GPHN: variants seen among roughly 807,000 people sequenced by gnomAD.
GPHN encodes gephyrin.
A neutral mutation model predicts 95.5 loss-of-function variants in GPHN; 17 were observed. The observed-to-expected ratio is 0.18, with a 90% CI of 0.12 to 0.27. The LOEUF (loss-of-function observed/expected upper bound fraction) is 0.27. GPHN is among the 10% of genes least tolerant of loss of function. The pLI is 1.00. For synonymous variants in GPHN, 320 were observed against 322.5 expected (o/e 0.99, Z 0.08); for missense variants, 660 against 978.1 (o/e 0.67, Z 4.34).
intron 10 of GPHN, among the ~76,000 whole-genome samples, chr14:67,054,062 T>C (rs2075436698): frequency 6.6e-6 from 1 of 152,144 alleles, no homozygotes; most frequent in Non-Finnish European, 1.5e-5. Flanking sequence ...AAGACAAGGA[T>C]GCCTTCTCTC....
the GPHN span, among the ~76,000 whole-genome samples, chr14:67,236,615 T>C: frequency 6.6e-6 from 1 of 152,182 alleles, no homozygotes; most frequent in Non-Finnish European, 1.5e-5. Flanking sequence ...TAGTGGGACC[T>C]TCCATTCCAT....
At chr14:67,089,133 CT>C (rs1163483546) in intron 12 of GPHN, 58 bp downstream of exon 12, 14,202 of 196,132 alleles carry the variant, frequency 0.072, 3 homozygotes, top group South Asian at 0.084. Context: ...TTCTTTTTTT[CT>C]TTTTTTTTTT....
intron 9 of GPHN, among the ~76,000 whole-genome samples, chr14:66,977,743 A>T (rs901834100): frequency 1.3e-5 from 2 of 152,224 alleles, no homozygotes; most frequent in African/African-American, 2.4e-5. Flanking sequence ...ATAGCAAATT[A>T]TTTCACAATA....
intron 10 of GPHN, among the ~76,000 whole-genome samples, chr14:67,053,472 T>A (rs1416767145): frequency 6.6e-6 from 1 of 152,070 alleles, no homozygotes; most frequent in East Asian, 1.9e-4. Context: ...CAGTAATTAA[T>A]AGCCTACCAA....
At chr14:67,380,638 T>C in the GPHN span, 7 of 1,362,316 alleles carry the variant, frequency 5.1e-6, no homozygotes, top group African/African-American at 9.0e-5. Context: ...CCTTTTGTTA[T>C]TTATTTATGT....
the GPHN span, among the ~76,000 whole-genome samples, chr14:67,503,876 G>A: frequency 6.6e-6 from 1 of 151,606 alleles, no homozygotes. Flanking sequence ...GTTAATTTTT[G>A]TATTTTTAGT....
the GPHN span, chr14:67,312,689 C>A: frequency 6.2e-7 from 1 of 1,609,210 alleles, no homozygotes; most frequent in Non-Finnish European, 8.5e-7. Context: ...AGATAATCAA[C>A]CTCTAGCCGG....
intron 19 of GPHN, among the ~76,000 whole-genome samples, chr14:67,164,495 C>G (rs1004177997): frequency 4.0e-5 from 6 of 151,774 alleles, no homozygotes; most frequent in Admixed American, 3.9e-4. Context: ...ATCAGGTAAT[C>G]TGCTTTCTTT....
At chr14:67,446,114 A>T in the GPHN span, 2 of 495,522 alleles carry the variant, frequency 4.0e-6, no homozygotes, top group Non-Finnish European at 7.9e-6. Context: ...CTCTGGGAGG[A>T]TGTGAAAAAG....
At chr14:67,264,464 AT>A in the GPHN span, among the ~76,000 whole-genome samples, 23,448 of 151,416 alleles carry the variant, frequency 0.15, 3,407 homozygotes, top group East Asian at 0.42. Flanking sequence ...ATGTTGTGTT[AT>A]TTTTTCATGT....
chr14:67,243,344 C>T, the GPHN span, among the ~76,000 whole-genome samples: 1 of 151,898 alleles, frequency 6.6e-6, no homozygotes, highest in East Asian at 1.9e-4. Flanking sequence ...CTCGCCACCA[C>T]ACCTGGCTAA....
intron 19 of GPHN, among the ~76,000 whole-genome samples, chr14:67,163,106 G>A (rs2082062052): frequency 1.3e-5 from 2 of 152,114 alleles, no homozygotes; most frequent in Non-Finnish European, 2.9e-5. Flanking sequence ...AGGAGTTCAA[G>A]ACCAGCCTGG....
At chr14:67,298,705 A>C in the GPHN span, among the ~76,000 whole-genome samples, 5 of 152,158 alleles carry the variant, frequency 3.3e-5, no homozygotes, top group Non-Finnish European at 7.4e-5. Context: ...AGTGTGTTTT[A>C]TTGTATAGTT....
intron 4 of GPHN, among the ~76,000 whole-genome samples, chr14:66,839,334 CATT>C (rs2061985003): frequency 6.6e-6 from 1 of 152,164 alleles, no homozygotes; most frequent in Admixed American, 6.5e-5. Flanking sequence ...ATGAAGATAA[CATT>C]ATAGCCATGA....
At chr14:67,577,489 G>A in the GPHN span, 4 of 944,432 alleles carry the variant, frequency 4.2e-6, no homozygotes, top group Non-Finnish European at 6.6e-6. Flanking sequence ...GTGCAGTTGG[G>A]GACAACCCAC....
the GPHN span, among the ~76,000 whole-genome samples, chr14:67,638,682 G>T: frequency 6.6e-6 from 1 of 152,210 alleles, no homozygotes; most frequent in Non-Finnish European, 1.5e-5. Flanking sequence ...TTGGGAGCAG[G>T]AAGGTAGGCC....
the GPHN span, among the ~76,000 whole-genome samples, chr14:67,561,156 T>C: frequency 3.3e-5 from 5 of 152,168 alleles, no homozygotes; most frequent in African/African-American, 1.2e-4. Flanking sequence ...AGACTGCAAG[T>C]TCTTGGAGAC....
At chr14:66,847,308 A>G (rs902639107) in intron 4 of GPHN, among the ~76,000 whole-genome samples, 1 of 152,172 alleles carries the variant, frequency 6.6e-6, no homozygotes, top group African/African-American at 2.4e-5. Context: ...ATTCATTCTG[A>G]AAAACATTTT....
rs80300014 is a variant in GPHN, at chr14:66,846,658, G to A, written c.294+22092G>A. On this transcript the variant is annotated intron_variant, in intron 4 of 22. Transcript: ENST00000478722. ...GAAGGATGCTGGCAGTAACTTAAAT[G>A]TCGATAGGAATCTCTTTAATTTTAA... Among the ~76,000 whole-genome samples the A allele has an allele frequency of 7.0e-3, 1,072 of 152,252 alleles. 5 individuals carry two copies. Among genetic ancestry groups the A allele is most frequent in the African/African-American group, 0.025 (1,023 of 41,554 alleles).
Sources: gnomAD v4.1 joint callset for allele counts (sites outside exome capture counted in the v4.1 genomes callset) on GRCh38, gnomAD v4.1.1 for gene constraint, MANE v1.5 for transcripts, NCBI Gene and HGNC (gene_info 2026-07-23, HGNC 2026-07-21) for gene names.